ARHGAP35: variants seen among roughly 807,000 people sequenced by gnomAD.
ARHGAP35 encodes Rho GTPase activating protein 35.
ARHGAP35 carries 15 observed loss-of-function variants against 111.1 expected under a neutral mutation model. The ratio of observed to expected loss-of-function variants is 0.13; its 90% CI spans 0.09 to 0.21. The LOEUF is 0.21. Ranked by LOEUF, ARHGAP35 falls within the 10% of genes least tolerant of loss-of-function variation. ARHGAP35 has a pLI of 1.00. For missense variants in ARHGAP35, 1,262 were observed against 1,873.0 expected (o/e 0.67, Z 6.02); for synonymous variants, 643 against 710.3 (o/e 0.91, Z 1.51).
chr19:46,999,242 G>C lies in ARHGAP35; in HGVS notation c.4037-62G>C, dbSNP rs560544655. ...TCAGAGAAGGCCCATCACAGAGCAC[G>C]CCCTGGGGTGGCCACCAGCCTCGGC... On this transcript the variant is annotated intron_variant, in intron 5 of 6. Coordinates refer to ENST00000672722, the MANE Select transcript of ARHGAP35 (RefSeq NM_004491.5). This position sits in a 1 kb window ranked among gnomAD's most constrained non-coding sequence, Gnocchi z 5.4. 1.5e-5 allele frequency: 17 copies of C among 1,164,956 alleles called. No individual in the cohort carries two copies. The East Asian group carries it at 4.3e-4, about 30-fold the overall frequency. 72.2% of individuals were successfully genotyped at this position (1,164,956 alleles called of 1,614,324 possible). A position where few individuals can be genotyped will look rare whatever the true frequency, so the allele number is the denominator to read the frequency against.
chr19:46,871,894 C>T (rs1227666761), intron 1 of ARHGAP35, among the ~76,000 whole-genome samples: 1 of 151,748 alleles, frequency 6.6e-6, no homozygotes, highest in African/African-American at 2.4e-5. Flanking sequence ...GCAGGAGAAT[C>T]GCATGAACCC....
intron 3 of ARHGAP35, among the ~76,000 whole-genome samples, chr19:46,984,972 C>T (rs16980778): frequency 0.033 from 5,061 of 152,306 alleles, 161 homozygotes; most frequent in East Asian, 0.16. Flanking sequence ...GAGACTGCCT[C>T]TCTACACTGA....
At position 46,989,370 on chromosome 19, in the gene ARHGAP35, C is replaced by T. The variant is rs545278934; in HGVS notation, c.3905-174C>T. 3 of 766,272 alleles carry T rather than the reference C, an allele frequency of 3.9e-6. No individual in the cohort carries two copies. The highest frequency in any genetic ancestry group is 3.5e-5 in the African/African-American group (2 of 57,004). 47.5% of individuals were successfully genotyped at this position (766,272 alleles called of 1,614,324 possible). On this transcript the variant is annotated intron_variant, in intron 4 of 6. Transcript: ENST00000672722. This position sits in a 1 kb window ranked among gnomAD's most constrained non-coding sequence, Gnocchi z 5.3. ...AAGAGGTGCTGGGGCCAGCCCATGC[C>T]TGAACCTCAGAACTCGCGTTAGCGC...
At chr19:46,875,599 C>T (rs568991154) in intron 1 of ARHGAP35, among the ~76,000 whole-genome samples, 15 of 152,244 alleles carry the variant, frequency 9.9e-5, no homozygotes, top group African/African-American at 2.9e-4. Context: ...TCTGAGTTCT[C>T]GTGTCTATAA....
intron 2 of ARHGAP35, among the ~76,000 whole-genome samples, chr19:46,932,323 A>G (rs1205577830): frequency 2.0e-5 from 3 of 152,068 alleles, no homozygotes; most frequent in Non-Finnish European, 4.4e-5. Context: ...ACATGTGGAG[A>G]TTGTTCTCAG....
chr19:47,001,208 C>T lies in ARHGAP35; in HGVS notation c.*520C>T, dbSNP rs914418117. ...GGCCTCCTTGGGAACGTGTAGGCCA[C>T]GGCTCTGCCACCACTAGGTACCTGC... On this transcript the variant is annotated 3_prime_UTR_variant, in exon 7 of 7. Transcript: ENST00000672722. This position sits in a 1 kb window ranked among gnomAD's most constrained non-coding sequence, Gnocchi z 5.4. 11 of 1,270,194 alleles carry T rather than the reference C, an allele frequency of 8.7e-6. No homozygotes were observed. In the African/African-American group the frequency reaches 1.1e-4, roughly 12 times the overall value. The allele number at this position is 1,270,194 out of a possible 1,614,324, so 78.7% of individuals were successfully genotyped here.
rs911128426 is a variant in ARHGAP35, at chr19:46,929,698, G to C, written c.3681+7342G>C. On this transcript the variant is annotated intron_variant, in intron 2 of 6. Coordinates refer to ENST00000672722, the MANE Select transcript of ARHGAP35 (RefSeq NM_004491.5). The stretch of plus-strand genomic sequence containing the variant: ...GGAGGCCGAGGTGGGCAGATCACTT[G>C]AGGTCGGGAGTTCAAGACCAGCCTG... Among the ~76,000 whole-genome samples the C allele has an allele frequency of 1.6e-4, 24 of 148,350 alleles. 1 individual carries two copies. Among genetic ancestry groups the C allele is most frequent in the Admixed American group, 1.6e-3 (23 of 14,704 alleles).
rs117146898 is a variant in ARHGAP35 at position 46,994,973 on chromosome 19, G to A, written c.4037-4331G>A. On this transcript the variant is annotated intron_variant, in intron 5 of 6. Coordinates refer to ENST00000672722, the MANE Select transcript of ARHGAP35 (RefSeq NM_004491.5). The surrounding 1 kb of genome is among the most constrained non-coding windows in gnomAD (Gnocchi z 5.4). ...GCCCTTCTCATGCTCACCTGCCTCT[G>A]GGTCAGAGTCACCTCCTCCCTCGCT... 4.1e-3 allele frequency among the ~76,000 whole-genome samples: 630 copies of A among 152,312 alleles called. 2 individuals carry two copies. Among genetic ancestry groups the A allele is most frequent in the Non-Finnish European group, 6.1e-3 (414 of 68,018 alleles).
chr19:46,961,254 T>A (rs181812498), intron 3 of ARHGAP35, among the ~76,000 whole-genome samples: 118 of 152,310 alleles, frequency 7.7e-4, no homozygotes, highest in Non-Finnish European at 1.3e-3. Context: ...CAGTCTTTTG[T>A]TAATATAGAT....
At chr19:46,987,912 C>T in intron 3 of ARHGAP35, 77 bp from the exon 4 acceptor site, 1 of 1,444,096 alleles carries the variant, frequency 6.9e-7, no homozygotes, top group South Asian at 1.2e-5. Flanking sequence ...CTGGCTTTCT[C>T]CTTGTCTTCG....
In ARHGAP35 at chr19:46,920,743, G is replaced by T; in HGVS notation, c.2068G>T (p.Asp690Tyr). The stretch of plus-strand genomic sequence containing the variant: ...TAGAGAGTCCACGCTGGGCCGGCGG[G>T]ATAATCATTTAGTCCATCTCCCCCT... ...KSRESTLGRR[D>Y]NHLVHLPLTL... The change falls in exon 2 of 7, where the codon GAT (aspartate) becomes TAT (tyrosine). Residue 690 changes from aspartate to tyrosine, a missense_variant. This residue lies in a region of ARHGAP35 where 579 missense variants were observed against 716.9 expected (regional missense o/e 0.81). Transcript: ENST00000672722. This position sits in a 1 kb window ranked among gnomAD's most constrained non-coding sequence, Gnocchi z 7.0. 1 of 1,611,646 alleles carries T rather than the reference G, an allele frequency of 6.2e-7. No homozygotes were observed. The highest frequency in any genetic ancestry group is 8.5e-7 in the Non-Finnish European group (1 of 1,178,782).
intron 5 of ARHGAP35, among the ~76,000 whole-genome samples, chr19:46,998,597 G>T (rs2122362567): frequency 6.6e-6 from 1 of 152,302 alleles, no homozygotes; most frequent in Admixed American, 6.5e-5. Context: ...CTCAAAATGG[G>T]GTGACGAGTT....
At chr19:46,991,908 T>G (rs1292044455) in intron 5 of ARHGAP35, among the ~76,000 whole-genome samples, 1 of 152,242 alleles carries the variant, frequency 6.6e-6, no homozygotes, top group East Asian at 1.9e-4. Flanking sequence ...TGTCTCTATA[T>G]GTTCAGGCCT....
Position 46,945,113 on chromosome 19 carries a change from G to T in ARHGAP35, c.3826+7705G>T, listed in dbSNP as rs1393188835. Among the ~76,000 whole-genome samples the T allele has an allele frequency of 6.6e-6, 1 of 152,304 alleles. No individual in the cohort carries two copies. The highest frequency in any genetic ancestry group is 3.4e-3 in the Middle Eastern group (1 of 294). ...GGTTACATGGAAAGGCTGGATGAGG[G>T]CATGTCACTGCCACAGCTGCTCTGG... On this transcript the variant is annotated intron_variant, in intron 3 of 6. Transcript: ENST00000672722. This position sits in a 1 kb window ranked among gnomAD's most constrained non-coding sequence, Gnocchi z 4.1.
At position 47,001,701 on chromosome 19, in the gene ARHGAP35, G is replaced by A. The variant is rs2056749423; in HGVS notation, c.*1013G>A. ...GCTGCCCCAGAACACAGTCCATTAC[G>A]ATAGAAACACTAATTGAGCATGTGC... is the stretch of plus-strand genomic sequence containing the variant. On this transcript the variant is annotated 3_prime_UTR_variant, in exon 7 of 7. Transcript: ENST00000672722. This position sits in a 1 kb window ranked among gnomAD's most constrained non-coding sequence, Gnocchi z 5.4. 37 of 334,240 alleles carry A rather than the reference G, an allele frequency of 1.1e-4. 1 individual carries two copies. The highest frequency in any genetic ancestry group is 8.4e-4 in the South Asian group (34 of 40,282). The allele number at this position is 334,240 out of a possible 1,614,324, so 20.7% of individuals were successfully genotyped here.
intron 3 of ARHGAP35, among the ~76,000 whole-genome samples, chr19:46,980,738 G>A (rs11666159): frequency 0.011 from 1,643 of 152,250 alleles, 16 homozygotes; most frequent in Non-Finnish European, 0.016. Context: ...TCCATTGTAC[G>A]GTCAGATTAG....
intron 3 of ARHGAP35, among the ~76,000 whole-genome samples, chr19:46,976,947 C>T (rs2056582974): frequency 6.6e-6 from 1 of 152,018 alleles, no homozygotes; most frequent in Non-Finnish European, 1.5e-5. Flanking sequence ...CCTCTATAAC[C>T]CCTGTCAGTT....
intron 1 of ARHGAP35, among the ~76,000 whole-genome samples, chr19:46,888,431 T>C (rs1444044874): frequency 6.8e-6 from 1 of 147,704 alleles, no homozygotes; most frequent in Non-Finnish European, 1.5e-5. Flanking sequence ...GCTTCCCTCA[T>C]GCCCTTGGGT....
At chr19:46,870,582 GAA>G (rs574392142) in intron 1 of ARHGAP35, among the ~76,000 whole-genome samples, 2 of 143,130 alleles carry the variant, frequency 1.4e-5, no homozygotes, top group African/African-American at 2.6e-5. Flanking sequence ...CAGTCTCAAA[GAA>G]AAAAAAAAAA....
Sources: allele counts gnomAD v4.1 joint callset (sites outside exome capture counted in the v4.1 genomes callset), GRCh38; gene constraint gnomAD v4.1.1; regional missense constraint gnomAD v4.1.1; non-coding constraint Gnocchi (gnomAD v3.1); transcripts MANE v1.5; gene names NCBI Gene and HGNC (gene_info 2026-07-23, HGNC 2026-07-21).